DLG2: variants seen among roughly 807,000 people sequenced by gnomAD.
DLG2 encodes disks large homolog 2.
Under a neutral mutation model 132.5 loss-of-function variants are expected in DLG2, and 45 were observed. That is an observed-to-expected ratio of 0.34 (90% CI 0.27 to 0.44). DLG2 has a LOEUF of 0.44. Ranked by LOEUF, DLG2 falls within the 20% of genes least tolerant of loss-of-function variation. The probability of loss-of-function intolerance (pLI) is 1.00; values close to 1 mark genes in which losing one functional copy is unlikely to be tolerated. For missense variants in DLG2, 1,045 were observed against 1,196.9 expected, an observed-to-expected ratio of 0.87 and a Z score of 1.87; for synonymous variants, 424 against 419.6, an observed-to-expected ratio of 1.01 and a Z score of -0.13.
chr11:84,500,544 T>C (rs912956881), intron 7 of DLG2, among the ~76,000 whole-genome samples: 22 of 152,206 alleles, frequency 1.4e-4, no homozygotes, highest in Middle Eastern at 3.2e-3. Flanking sequence ...CATTTTCTCA[T>C]CCTTGCATTC....
intron 7 of DLG2, among the ~76,000 whole-genome samples, chr11:84,301,676 A>AAAAAAAAAT (rs1485326211): frequency 6.8e-6 from 1 of 147,736 alleles, no homozygotes. Flanking sequence ...AAAAAAAAAA[A>AAAAAAAAAT]GTCAAGAAAC....
Position 84,929,631 on chromosome 11 carries a change from G to T in DLG2, c.357+182030C>A, listed in dbSNP as rs536611920. On this transcript the variant is annotated intron_variant, in intron 6 of 27. Coordinates refer to ENST00000376104, the MANE Select transcript of DLG2 (RefSeq NM_001142699.3). Reference sequence around the variant, plus strand: ...TTGGTAAAGTTCTGAGTAAAACAAAGAACATTCTTCCCTTATATCAGAACG... The same window carrying T: ...TTGGTAAAGTTCTGAGTAAAACAAATAACATTCTTCCCTTATATCAGAACG... Among the ~76,000 whole-genome samples the T allele has an allele frequency of 1.2e-3, 177 of 152,172 alleles. 2 individuals are homozygous for T. Among genetic ancestry groups the T allele is most frequent in the African/African-American group, 4.2e-3 (175 of 41,530 alleles).
At chr11:83,688,015 GAAAAAAA>G (rs796734283) in intron 18 of DLG2, among the ~76,000 whole-genome samples, 1 of 98,212 alleles carries the variant, frequency 1.0e-5, no homozygotes, top group African/African-American at 3.8e-5. Context: ...TGTCTCAAAA[GAAAAAAA>G]AAAAAAAGGA....
At chr11:84,230,754 A>G (rs984730062) in intron 8 of DLG2, among the ~76,000 whole-genome samples, 2 of 152,214 alleles carry the variant, frequency 1.3e-5, no homozygotes, top group African/African-American at 4.8e-5. Context: ...CAATTTCACA[A>G]AAGTGTGAAA....
chr11:85,498,438 G>A (rs1005798415), intron 3 of DLG2, among the ~76,000 whole-genome samples: 3 of 152,080 alleles, frequency 2.0e-5, no homozygotes, highest in African/African-American at 7.2e-5. Flanking sequence ...AGCAAGTCCT[G>A]AGAGACCTAA....
intron 3 of DLG2, among the ~76,000 whole-genome samples, chr11:85,350,356 G>A (rs2152878057): frequency 6.6e-6 from 1 of 152,230 alleles, no homozygotes; most frequent in Non-Finnish European, 1.5e-5. Context: ...CATTCTGTAG[G>A]TTGCCTGTTC....
chr11:84,808,777 C>G (rs532725476), intron 6 of DLG2, among the ~76,000 whole-genome samples: 51 of 151,944 alleles, frequency 3.4e-4, no homozygotes, highest in South Asian at 8.3e-4. Context: ...ATATAAATAG[C>G]TCCATTACCT....
chr11:83,543,500 T>C (rs1308303466), intron 19 of DLG2, among the ~76,000 whole-genome samples: 1 of 152,170 alleles, frequency 6.6e-6, no homozygotes. Context: ...ACTGGGTCCA[T>C]GTCCTGCTCC....
chr11:83,588,668 G>A (rs1018868319), intron 19 of DLG2, among the ~76,000 whole-genome samples: 1 of 151,416 alleles, frequency 6.6e-6, no homozygotes, highest in Admixed American at 6.6e-5. Flanking sequence ...GAGAGAAGAA[G>A]GCTTCAGACG....
At chr11:84,421,083 T>C (rs1181251094) in intron 7 of DLG2, among the ~76,000 whole-genome samples, 3 of 152,104 alleles carry the variant, frequency 2.0e-5, no homozygotes, top group Non-Finnish European at 4.4e-5. Context: ...ATTGGTACTC[T>C]TATAAGTTAG....
intron 21 of DLG2, chr11:83,486,281 GAATT>G: frequency 1.5e-6 from 1 of 683,180 alleles, no homozygotes; most frequent in Non-Finnish European, 2.6e-6. Flanking sequence ...AATCATGTAA[GAATT>G]AATGGCATGT....
chr11:85,079,548 A>C (rs186142296), intron 6 of DLG2, among the ~76,000 whole-genome samples: 1 of 150,386 alleles, frequency 6.6e-6, no homozygotes, highest in African/African-American at 2.4e-5. Flanking sequence ...CAGAGGCAAC[A>C]TCAATGGCCA....
chr11:84,442,631 T>C (rs1184746336), intron 7 of DLG2, among the ~76,000 whole-genome samples: 3 of 151,872 alleles, frequency 2.0e-5, no homozygotes, highest in East Asian at 3.9e-4. Context: ...TATACCTATC[T>C]AACAAACTTG....
intron 18 of DLG2, among the ~76,000 whole-genome samples, chr11:83,680,440 G>A (rs998312658): frequency 6.6e-6 from 1 of 152,162 alleles, no homozygotes; most frequent in Admixed American, 6.6e-5. Context: ...AGGCTGGCTG[G>A]AGCATCAAAC....
At chr11:85,527,134 T>C (rs2074820068) in intron 3 of DLG2, among the ~76,000 whole-genome samples, 1 of 151,976 alleles carries the variant, frequency 6.6e-6, no homozygotes, top group Admixed American at 6.6e-5. Context: ...CTAAATTTCT[T>C]GGGGTTTTTT....
intron 6 of DLG2, among the ~76,000 whole-genome samples, chr11:84,935,170 G>A (rs1429330242): frequency 6.6e-6 from 1 of 152,170 alleles, no homozygotes; most frequent in Non-Finnish European, 1.5e-5. Flanking sequence ...TGCAGAATGT[G>A]TAATGTTTTC....
At chr11:85,013,063 A>T (rs2059286095) in intron 6 of DLG2, among the ~76,000 whole-genome samples, 1 of 152,186 alleles carries the variant, frequency 6.6e-6, no homozygotes, top group African/African-American at 2.4e-5. Flanking sequence ...CTTCAGAGAT[A>T]GTATTTAATA....
chr11:85,413,959 A>G lies in DLG2; in HGVS notation c.41-128594T>C, dbSNP rs145455685. Among the ~76,000 whole-genome samples, 3 of 152,094 alleles carry G rather than the reference A, an allele frequency of 2.0e-5. No individual in the cohort carries two copies. In the East Asian group the frequency reaches 5.8e-4, roughly 29 times the overall value. On this transcript the variant is annotated intron_variant, in intron 3 of 27. Transcript: ENST00000376104. ...GAATGATGGTGGTATTTTGATAGGA[A>G]TTGCATTGAATTTGTAGATTGCTTT... is the stretch of plus-strand genomic sequence containing the variant.
chr11:85,077,605 G>C (rs957742012), intron 6 of DLG2, among the ~76,000 whole-genome samples: 4 of 151,464 alleles, frequency 2.6e-5, no homozygotes, highest in African/African-American at 9.7e-5. Flanking sequence ...CAAATCTATA[G>C]GTTAAAAATA....
Sources: gnomAD v4.1 joint callset for allele counts (sites outside exome capture counted in the v4.1 genomes callset) on GRCh38, gnomAD v4.1.1 for gene constraint, MANE v1.5 for transcripts, NCBI Gene and HGNC (gene_info 2026-07-23, HGNC 2026-07-21) for gene names.